The following ABTB3 variants were observed in gnomAD, a reference collection of about 807,000 sequenced individuals.
ABTB3 encodes ankyrin repeat- and BTB/POZ domain-containing protein 3.
At chr12:107,659,595 T>C in the ABTB3 span, 1 of 152,262 alleles carries the variant, frequency 6.6e-6, no homozygotes, top group Non-Finnish European at 1.5e-5. Flanking sequence ...GCTTCTGTTA[T>C]CATTTGGTGT....
the ABTB3 span, among the ~76,000 whole-genome samples, chr12:107,533,238 CAATT>C: frequency 6.6e-6 from 1 of 151,952 alleles, no homozygotes; most frequent in Non-Finnish European, 1.5e-5. Flanking sequence ...AATCAGAAAA[CAATT>C]AACAAAATGA....
At chr12:107,319,048 G>T in the ABTB3 span, 2 of 1,613,602 alleles carry the variant, frequency 1.2e-6, no homozygotes, top group African/African-American at 2.7e-5. Context: ...ACTTGTCTTT[G>T]TGCTGTTCCG....
chr12:107,656,059 G>C, the ABTB3 span, among the ~76,000 whole-genome samples: 2 of 151,942 alleles, frequency 1.3e-5, no homozygotes, highest in Admixed American at 1.3e-4. Flanking sequence ...AGGCTGAGGT[G>C]GGAGGATCAC....
chr12:107,483,184 C>T, the ABTB3 span, among the ~76,000 whole-genome samples: 211 of 151,948 alleles, frequency 1.4e-3, 3 homozygotes, highest in African/African-American at 4.9e-3. Context: ...TGCACCATCA[C>T]GCCCCACTAA....
the ABTB3 span, among the ~76,000 whole-genome samples, chr12:107,604,924 T>G: frequency 6.6e-6 from 1 of 152,172 alleles, no homozygotes; most frequent in Admixed American, 6.5e-5. Context: ...GGAATTACTA[T>G]TCAGTCTTAA....
the ABTB3 span, among the ~76,000 whole-genome samples, chr12:107,615,847 AAG>A: frequency 5.2e-4 from 79 of 152,318 alleles, no homozygotes; most frequent in African/African-American, 1.8e-3. Context: ...TTCATCAGAA[AAG>A]AGAGATCAGC....
the ABTB3 span, among the ~76,000 whole-genome samples, chr12:107,621,600 T>A: frequency 1.3e-5 from 2 of 152,208 alleles, no homozygotes; most frequent in African/African-American, 4.8e-5. Context: ...ATGACATACG[T>A]ACAGAAAAGT....
the ABTB3 span, among the ~76,000 whole-genome samples, chr12:107,374,138 G>A: frequency 2.0e-5 from 3 of 152,158 alleles, no homozygotes; most frequent in African/African-American, 4.8e-5. Context: ...CCTCCCCTCC[G>A]TCTGCCTCGG....
chr12:107,625,117 A>C, the ABTB3 span, among the ~76,000 whole-genome samples: 2 of 152,218 alleles, frequency 1.3e-5, no homozygotes, highest in Non-Finnish European at 2.9e-5. Flanking sequence ...CTTGTCCACT[A>C]TCTGTGTATT....
At chr12:107,416,676 T>G in the ABTB3 span, among the ~76,000 whole-genome samples, 1 of 152,198 alleles carries the variant, frequency 6.6e-6, no homozygotes, top group Non-Finnish European at 1.5e-5. Flanking sequence ...GTTTTGTTTT[T>G]AAGAGACAGG....
the ABTB3 span, chr12:107,319,509 A>G: frequency 6.3e-7 from 1 of 1,582,396 alleles, no homozygotes; most frequent in Non-Finnish European, 8.6e-7. Context: ...TCCCTCTACA[A>G]CATGAGCAGC....
At chr12:107,318,869 C>T in the ABTB3 span, 5 of 1,475,108 alleles carry the variant, frequency 3.4e-6, no homozygotes, top group South Asian at 6.9e-5. Flanking sequence ...CCCCGCGCCC[C>T]GCGGCACTCG....
chr12:107,653,418 G>T, the ABTB3 span, among the ~76,000 whole-genome samples: 418 of 152,096 alleles, frequency 2.7e-3, 6 homozygotes, highest in East Asian at 0.026. Context: ...TCAGGAAGCT[G>T]AGGCAGGAGA....
the ABTB3 span, among the ~76,000 whole-genome samples, chr12:107,536,213 A>G: frequency 6.6e-6 from 1 of 152,166 alleles, no homozygotes; most frequent in African/African-American, 2.4e-5. Flanking sequence ...CCAGATCCCT[A>G]TCTCTCACCA....
At chr12:107,566,192 T>C in the ABTB3 span, among the ~76,000 whole-genome samples, 1 of 152,352 alleles carries the variant, frequency 6.6e-6, no homozygotes, top group East Asian at 1.9e-4. Context: ...TTAATTCTTC[T>C]AGAGATTTCT....
chr12:107,611,614 C>T, the ABTB3 span, among the ~76,000 whole-genome samples: 1 of 152,232 alleles, frequency 6.6e-6, no homozygotes, highest in Non-Finnish European at 1.5e-5. Context: ...AACGTATTTA[C>T]ACGAGTGTTT....
chr12:107,553,184 G>A, the ABTB3 span, among the ~76,000 whole-genome samples: 2 of 152,178 alleles, frequency 1.3e-5, no homozygotes, highest in African/African-American at 4.8e-5. Context: ...CATGAATGGT[G>A]GGGATTATTC....
chr12:107,526,187 T>C, the ABTB3 span, among the ~76,000 whole-genome samples: 1 of 152,206 alleles, frequency 6.6e-6, no homozygotes, highest in Non-Finnish European at 1.5e-5. Flanking sequence ...AAATTTTCTA[T>C]TGAGCTGAAT....
the ABTB3 span, among the ~76,000 whole-genome samples, chr12:107,608,543 A>G: frequency 1.3e-5 from 2 of 152,128 alleles, no homozygotes; most frequent in Non-Finnish European, 2.9e-5. Flanking sequence ...GCCCTGCTCA[A>G]AGCTTTTCTG....
Sources: allele counts gnomAD v4.1 joint callset (sites outside exome capture counted in the v4.1 genomes callset), GRCh38; gene constraint gnomAD v4.1.1; transcripts MANE v1.5; gene names NCBI Gene and HGNC (gene_info 2026-07-23, HGNC 2026-07-21).